CD101: variants seen among roughly 807,000 people sequenced by gnomAD.
The protein encoded by CD101 is CD101 molecule.
CD101 carries 76 observed loss-of-function variants against 98.2 expected under a neutral mutation model. The observed-to-expected ratio is 0.77, with a 90% confidence interval of 0.64 to 0.94. The LOEUF is 0.94. Among genes scored for constraint, CD101 ranks in the 40% least tolerant of loss-of-function variants. The pLI, the probability that CD101 is intolerant of heterozygous loss-of-function variation, is 0.00. For missense variants in CD101, 1,145 were observed against 1,218.8 expected, an observed-to-expected ratio of 0.94 and a Z score of 0.90; for synonymous variants, 471 against 472.7, an observed-to-expected ratio of 1.00 and a Z score of 0.05.
chr1:117,013,790 C>T lies in CD101; in HGVS notation c.1226C>T (p.Ala409Val). 1.2e-6 allele frequency: 2 copies of T among 1,608,446 alleles called. No homozygotes were observed. The highest frequency in any genetic ancestry group is 1.7e-6 in the Non-Finnish European group (2 of 1,177,888). ...AGCCACGTGCACCTGAGGAAGCCAG[C>T]AGGTACGTAAAGTCAAGGCCAGGCA... ...PDSHVHLRKP[A>V]ARSVVMSTKN... is the part of the protein sequence containing the mutation. Residue 409 changes from alanine to valine, a missense_variant and splice_region_variant, in exon 4 of 10, where the codon GCA (alanine) becomes GTA (valine). Physicochemically the swap from Ala to Val is moderately conservative, Grantham distance 64. Transcript: ENST00000682167.
Position 117,017,198 on chromosome 1 carries a change from G to A in CD101, c.1337G>A (p.Ser446Asn), listed in dbSNP as rs756120682. The A allele has an allele frequency of 8.1e-6, 13 of 1,614,230 alleles. No individual in the cohort carries two copies. The South Asian group carries it at 8.8e-5, about 11-fold the overall frequency. Residue 446 changes from serine to asparagine, a missense_variant, in exon 5 of 10, where the codon AGC (serine) becomes AAC (asparagine). Transcript: ENST00000682167. Reference sequence around the variant, plus strand: ...GGAGCTGAAAGTCCCCTGTCTGTGAGCTGGTGGCACATCCCACGGGACCAG... The same window carrying A: ...GGAGCTGAAAGTCCCCTGTCTGTGAACTGGTGGCACATCCCACGGGACCAG... ...AGGAESPLSVSWWHIPRDQTQ... is the reference protein window; with the variant it reads ...AGGAESPLSVNWWHIPRDQTQ...
At position 117,033,482 on chromosome 1, in the gene CD101, A is replaced by G. The variant is rs1368165817; in HGVS notation, c.2825-378A>G. ...GAGCAGCAGTGGGAATAACTCAGTT[A>G]AAAATTCAGGACTGGCAACACTGTT... On this transcript the variant is annotated intron_variant, in intron 8 of 9. Transcript: ENST00000682167. This position sits in a 1 kb window ranked among gnomAD's most constrained non-coding sequence, Gnocchi z 4.8. Among the ~76,000 whole-genome samples the G allele has an allele frequency of 2.0e-5, 3 of 152,224 alleles. No individual in the cohort carries two copies. The highest frequency in any genetic ancestry group is 6.5e-5 in the Admixed American group (1 of 15,278).
chr1:117,009,095 T>C (rs1279616848), intron 1 of CD101, among the ~76,000 whole-genome samples: 1 of 152,278 alleles, frequency 6.6e-6, no homozygotes, highest in Non-Finnish European at 1.5e-5. Flanking sequence ...TTAGACCTAA[T>C]ACTTCAGATT....
At position 117,033,836 on chromosome 1, in the gene CD101, CTCT is replaced by C. The variant is rs1654620894; in HGVS notation, c.2825-22_2825-20del. The C allele has an allele frequency of 1.9e-6, 3 of 1,613,600 alleles. No homozygotes were observed. Among genetic ancestry groups the C allele is most frequent in the Non-Finnish European group, 2.5e-6 (3 of 1,179,684 alleles). ...ACAAATAAGTTGGAGATGAATTACT[CTCT>C]TGTTTCTCCCTTCGTTGCAGAGCCC... is the stretch of plus-strand genomic sequence containing the variant. On this transcript the variant is annotated intron_variant, in intron 8 of 9. Coordinates refer to ENST00000682167, the MANE Select transcript of CD101 (RefSeq NM_001256106.3). The surrounding 1 kb of genome is among the most constrained non-coding windows in gnomAD (Gnocchi z 4.8).
chr1:117,017,346 G>C lies in CD101; in HGVS notation c.1485G>C (p.Gln495His). Residue 495 changes from glutamine (Q) to histidine (H), a missense_variant, in exon 5 of 10, where the codon CAG becomes CAC. Physicochemically the swap from Gln to His is conservative, Grantham distance 24 (BLOSUM62 0). Coordinates refer to ENST00000682167, the MANE Select transcript of CD101 (RefSeq NM_001256106.3). The stretch of plus-strand genomic sequence containing the variant: ...AGAAAATGGACTGGGCCACCTTCCA[G>C]CTGGAGATCACCTTCACTGCCATCA... ...RLEKMDWATF[Q>H]LEITFTAITD... 6.2e-7 allele frequency: 1 copy of C among 1,614,270 alleles called. No homozygotes were observed. Among genetic ancestry groups the C allele is most frequent in the Non-Finnish European group, 8.5e-7 (1 of 1,180,050 alleles).
intron 9 of CD101, 158 bp downstream of exon 9, chr1:117,034,292 C>A: frequency 1.6e-6 from 1 of 631,380 alleles, no homozygotes; most frequent in Non-Finnish European, 2.7e-6. Context: ...TTGTGTCTTA[C>A]CTCATCCACC....
rs1194115905 is a variant in CD101, at chr1:117,009,746, A to G, written c.44-104A>G. On this transcript the variant is annotated intron_variant, in intron 1 of 9. Transcript: ENST00000682167. ...AGTCAATTATAGCTAATAACTTGCG[A>G]TCTCATTTACCAGAATTGTAATACA... 3.2e-6 allele frequency: 4 copies of G among 1,245,488 alleles called. No homozygotes were observed. In the African/African-American group the frequency reaches 6.0e-5, roughly 19 times the overall value. 77.2% of individuals were successfully genotyped at this position (1,245,488 alleles called of 1,614,324 possible). A position where few individuals can be genotyped will look rare whatever the true frequency, so the allele number is the denominator to read the frequency against.
intron 8 of CD101, among the ~76,000 whole-genome samples, chr1:117,032,765 T>G (rs2101168985): frequency 6.6e-6 from 1 of 152,210 alleles, no homozygotes; most frequent in East Asian, 1.9e-4. Flanking sequence ...TTCAATAGAC[T>G]GTTTCCTGAA....
rs1466723062 is a variant in CD101, at chr1:117,009,843, T to C, written c.44-7T>C. 1.9e-6 allele frequency: 3 copies of C among 1,585,652 alleles called. No homozygotes were observed. The Admixed American group carries it at 5.1e-5, about 27-fold the overall frequency. ...TTTTATTCCCCTTTCTTTCTCCTAC[T>C]TACAAGCTAAGCTCAGCATTGGCCA... On this transcript the variant is annotated splice_polypyrimidine_tract_variant and splice_region_variant and intron_variant, in intron 1 of 9. Transcript: ENST00000682167.
At chr1:117,029,179 G>GAAGGAAAGAAAGAAAAGAAAGA (rs1654179129) in intron 8 of CD101, among the ~76,000 whole-genome samples, 1 of 97,226 alleles carries the variant, frequency 1.0e-5, no homozygotes, top group Non-Finnish European at 2.1e-5. Context: ...AAGAAAGAAA[G>GAAGGAAAGAAAGAAAAGAAAGA]AAAGAAAGAA....
intron 8 of CD101, among the ~76,000 whole-genome samples, chr1:117,029,257 G>A (rs1654273223): frequency 7.9e-6 from 1 of 127,064 alleles, no homozygotes; most frequent in Non-Finnish European, 1.6e-5. Context: ...AAGAAAGAAA[G>A]AAAGAAAGAA....
At chr1:117,029,715 T>A (rs1654320866) in intron 8 of CD101, among the ~76,000 whole-genome samples, 3 of 152,240 alleles carry the variant, frequency 2.0e-5, no homozygotes, top group Admixed American at 2.0e-4. Flanking sequence ...AGTTCAAATA[T>A]AATATGCTAC....
In CD101 at chr1:117,009,840, T is replaced by C. The variant is rs762749738; in HGVS notation, c.44-10T>C. The stretch of plus-strand genomic sequence containing the variant: ...TCTTTTTATTCCCCTTTCTTTCTCC[T>C]ACTTACAAGCTAAGCTCAGCATTGG... On this transcript the variant is annotated splice_polypyrimidine_tract_variant and intron_variant, in intron 1 of 9. Transcript: ENST00000682167. 1 of 1,581,996 alleles carries C rather than the reference T, an allele frequency of 6.3e-7. No individual in the cohort carries two copies. The highest frequency in any genetic ancestry group is 1.7e-5 in the Admixed American group (1 of 57,796).
At chr1:117,028,657 A>G (rs972273276) in intron 8 of CD101, among the ~76,000 whole-genome samples, 4 of 152,152 alleles carry the variant, frequency 2.6e-5, no homozygotes, top group African/African-American at 9.7e-5. Context: ...GAGAGCTGGG[A>G]AGGGAATCAG....
At chr1:117,003,133 T>G (rs1652336696) in intron 1 of CD101, among the ~76,000 whole-genome samples, 1 of 151,972 alleles carries the variant, frequency 6.6e-6, no homozygotes, top group South Asian at 2.1e-4. Context: ...CAGAGTGAGA[T>G]TCCATCTAAA....
chr1:117,014,707 A>C (rs1388172687), intron 4 of CD101, among the ~76,000 whole-genome samples: 1 of 152,258 alleles, frequency 6.6e-6, no homozygotes, highest in Non-Finnish European at 1.5e-5. Flanking sequence ...AATTTTTAAA[A>C]ACTGAGCTAA....
rs1478953057 is a variant in CD101 at position 117,006,102 on chromosome 1, T to C, written c.44-3748T>C. On this transcript the variant is annotated intron_variant, in intron 1 of 9. Transcript: ENST00000682167. This position sits in a 1 kb window ranked among gnomAD's most constrained non-coding sequence, Gnocchi z 4.4. ...TACACACAACAGTAACTCTTCCTAATATCTGTATTTCTAGTCAGAGTATCA... is the reference window on the plus strand; with the variant it reads ...TACACACAACAGTAACTCTTCCTAACATCTGTATTTCTAGTCAGAGTATCA... 2.0e-5 allele frequency among the ~76,000 whole-genome samples: 3 copies of C among 152,154 alleles called. No homozygotes were observed. The East Asian group carries it at 5.8e-4, about 29-fold the overall frequency.
chr1:117,030,349 C>T (rs1320116238), intron 8 of CD101, among the ~76,000 whole-genome samples: 3 of 151,044 alleles, frequency 2.0e-5, no homozygotes, highest in Non-Finnish European at 4.4e-5. Context: ...CCACTTTGCT[C>T]CAGTCTGGAT....
chr1:117,027,720 A>C (rs1654032238), intron 8 of CD101, among the ~76,000 whole-genome samples: 1 of 152,164 alleles, frequency 6.6e-6, no homozygotes, highest in Admixed American at 6.5e-5. Context: ...ACAGTGATGG[A>C]GTGTCATTGA....
Sources: allele counts gnomAD v4.1 joint callset (sites outside exome capture counted in the v4.1 genomes callset), GRCh38; gene constraint gnomAD v4.1.1; non-coding constraint Gnocchi (gnomAD v3.1); transcripts MANE v1.5; gene names NCBI Gene and HGNC (gene_info 2026-07-23, HGNC 2026-07-21).